ZNF536: variants seen among roughly 807,000 people sequenced by gnomAD.
ZNF536 encodes the protein zinc finger protein 536.
Under a neutral mutation model 84.5 loss-of-function variants are expected in ZNF536, and 13 were observed. The observed-to-expected ratio is 0.15, with a 90% CI of 0.10 to 0.24. The LOEUF is 0.24. ZNF536 is among the 10% of genes least tolerant of loss of function. The probability of loss-of-function intolerance (pLI) is 1.00; values close to 1 mark genes in which losing one functional copy is unlikely to be tolerated. For missense variants in ZNF536, 1,536 were observed against 1,747.5 expected (o/e 0.88, Z 2.16); for synonymous variants, 811 against 742.5 (o/e 1.09, Z -1.50).
chr19:30,283,415 A>G (rs576706911), intron 1 of ZNF536, among the ~76,000 whole-genome samples: 30 of 152,314 alleles, frequency 2.0e-4, no homozygotes, highest in African/African-American at 7.0e-4. Flanking sequence ...ATGCCGTAGG[A>G]GGTGAGATCA....
chr19:30,399,518 A>C (rs1048400702), intron 1 of ZNF536, among the ~76,000 whole-genome samples: 1 of 152,064 alleles, frequency 6.6e-6, no homozygotes, highest in Non-Finnish European at 1.5e-5. Context: ...GGTATTGCCT[A>C]GGTTTTCTTC....
intron 1 of ZNF536, among the ~76,000 whole-genome samples, chr19:30,582,112 A>G (rs2046940597): frequency 6.6e-6 from 1 of 152,138 alleles, no homozygotes; most frequent in Admixed American, 6.5e-5. Flanking sequence ...TGTTGTTGGT[A>G]GCAAAGACTC....
intron 1 of ZNF536, among the ~76,000 whole-genome samples, chr19:30,435,446 A>C (rs1167474537): frequency 7.0e-6 from 1 of 142,640 alleles, no homozygotes; most frequent in African/African-American, 2.6e-5. Flanking sequence ...ATGTTGGTGA[A>C]GATGATGGTG....
intron 1 of ZNF536, among the ~76,000 whole-genome samples, chr19:30,423,550 G>C (rs2051073834): frequency 6.6e-6 from 1 of 152,240 alleles, no homozygotes; most frequent in African/African-American, 2.4e-5. Flanking sequence ...CTCTGTCACT[G>C]CTGGGCACTG....
rs117069265 is a variant in ZNF536 at position 30,442,314 on chromosome 19, A to T, written c.-2-1247A>T. Among the ~76,000 whole-genome samples the T allele has an allele frequency of 5.7e-4, 87 of 152,364 alleles. No homozygotes were observed. The East Asian group carries it at 0.014, about 24-fold the overall frequency. On this transcript the variant is annotated intron_variant, in intron 1 of 4. Coordinates refer to ENST00000355537, the MANE Select transcript of ZNF536 (RefSeq NM_014717.3). Reference sequence around the variant, plus strand: ...TCTGCACAGGCTGAAGAGGGGGCAGAGAGGACTATTAAAGACAATTATGCA... The same window carrying T: ...TCTGCACAGGCTGAAGAGGGGGCAGTGAGGACTATTAAAGACAATTATGCA...
At chr19:30,529,049 A>G (rs1200147201) in intron 2 of ZNF536, among the ~76,000 whole-genome samples, 1 of 151,960 alleles carries the variant, frequency 6.6e-6, no homozygotes, top group African/African-American at 2.4e-5. Context: ...GGAGGGGTGA[A>G]GGGACTTGCT....
At chr19:30,641,629 T>C (rs2049271538) in intron 1 of ZNF536, among the ~76,000 whole-genome samples, 1 of 152,228 alleles carries the variant, frequency 6.6e-6, no homozygotes, top group Non-Finnish European at 1.5e-5. Flanking sequence ...TTATTCCATC[T>C]TCACCCTCGT....
chr19:30,700,794 A>G (rs944242355), intron 1 of ZNF536, among the ~76,000 whole-genome samples: 2 of 152,218 alleles, frequency 1.3e-5, no homozygotes, highest in Non-Finnish European at 2.9e-5. Context: ...AATGTATCCA[A>G]CTGACCTATA....
At chr19:30,463,376 T>C (rs2053243929) in intron 2 of ZNF536, among the ~76,000 whole-genome samples, 1 of 152,112 alleles carries the variant, frequency 6.6e-6, no homozygotes, top group East Asian at 1.9e-4. Context: ...AGTTGGGAAA[T>C]GCAGAAAGCC....
chr19:30,402,665 C>T (rs866722110), intron 1 of ZNF536, among the ~76,000 whole-genome samples: 1 of 151,638 alleles, frequency 6.6e-6, no homozygotes, highest in South Asian at 2.1e-4. Context: ...CCGCGGCCGA[C>T]GTGGGTTTAA....
intron 2 of ZNF536, among the ~76,000 whole-genome samples, chr19:30,297,309 G>A (rs981107062): frequency 1.3e-5 from 2 of 152,146 alleles, no homozygotes; most frequent in East Asian, 1.9e-4. Context: ...TAATCCCTTC[G>A]TATGCCTGGA....
chr19:30,592,466 G>C, intron 1 of ZNF536, among the ~76,000 whole-genome samples: 1 of 152,218 alleles, frequency 6.6e-6, no homozygotes, highest in South Asian at 2.1e-4. Context: ...GATGAACCAA[G>C]GCCTCCTTTG....
At chr19:30,243,734 A>C (rs1262728843) in intron 1 of ZNF536, among the ~76,000 whole-genome samples, 1 of 152,270 alleles carries the variant, frequency 6.6e-6, no homozygotes, top group East Asian at 1.9e-4. Flanking sequence ...TTCTCTGTTC[A>C]ATCCCAAATC....
chr19:30,460,623 G>GA (rs2053089106), intron 2 of ZNF536, among the ~76,000 whole-genome samples: 1 of 152,140 alleles, frequency 6.6e-6, no homozygotes, highest in African/African-American at 2.4e-5. Flanking sequence ...GCTAGGAAGT[G>GA]ACAATGGACA....
At chr19:30,562,241 G>A (rs566333056), downstream of ZNF536, among the ~76,000 whole-genome samples, 22 of 152,180 alleles carry the variant, frequency 1.4e-4, no homozygotes, top group East Asian at 7.8e-4. Context: ...TGACTCCTCC[G>A]GACCCTGTCA....
At chr19:30,519,082 G>A (rs991790817) in intron 2 of ZNF536, among the ~76,000 whole-genome samples, 2 of 152,214 alleles carry the variant, frequency 1.3e-5, no homozygotes, top group Admixed American at 6.5e-5. Flanking sequence ...CAGGCAGAAC[G>A]AACGGCCTGA....
chr19:30,225,688 G>GGC (rs1469285688), upstream of ZNF536, among the ~76,000 whole-genome samples: 2 of 77,642 alleles, frequency 2.6e-5, no homozygotes, highest in East Asian at 5.8e-4. Flanking sequence ...AAACAAAGGT[G>GGC]GGGGGGGGAT....
chr19:30,535,256 CGCGTCT>C (rs2045020855), intron 3 of ZNF536, among the ~76,000 whole-genome samples: 1 of 152,154 alleles, frequency 6.6e-6, no homozygotes, highest in African/African-American at 2.4e-5. Flanking sequence ...ATAACTGGGT[CGCGTCT>C]GAGCCTCTAG....
chr19:30,241,248 G>C (rs983612105), intron 1 of ZNF536, among the ~76,000 whole-genome samples: 1 of 152,204 alleles, frequency 6.6e-6, no homozygotes, highest in African/African-American at 2.4e-5. Context: ...AACCCAGTTC[G>C]AGCCTACAGT....
Sources: gnomAD v4.1 joint callset for allele counts (sites outside exome capture counted in the v4.1 genomes callset) on GRCh38, gnomAD v4.1.1 for gene constraint, MANE v1.5 for transcripts, NCBI Gene and HGNC (gene_info 2026-07-23, HGNC 2026-07-21) for gene names.